The following LGI1 variants were observed in gnomAD, a reference collection of about 807,000 sequenced individuals.
The protein encoded by LGI1 is leucine-rich glioma-inactivated protein 1.
LGI1 carries 11 observed loss-of-function variants against 57.7 expected under a neutral mutation model. The ratio of observed to expected loss-of-function variants is 0.19; its 90% CI spans 0.12 to 0.32. The LOEUF (loss-of-function observed/expected upper bound fraction) is 0.32, where lower values mean the gene tolerates loss of function less well. Ranked by LOEUF, LGI1 falls within the 10% of genes least tolerant of loss-of-function variation. LGI1 has a pLI of 1.00. For synonymous variants in LGI1, 222 were observed against 241.9 expected (o/e 0.92, Z 0.76); for missense variants, 422 against 661.9 (o/e 0.64, Z 3.98).
chr10:93,771,307 G>A (rs892313752), intron 2 of LGI1: 2 of 152,220 alleles, frequency 1.3e-5, no homozygotes, highest in African/African-American at 4.8e-5. Flanking sequence ...AGGGGAAGAT[G>A]TAGGCAATAT....
chr10:93,780,078 G>A (rs548700356), intron 4 of LGI1, among the ~76,000 whole-genome samples: 1 of 152,326 alleles, frequency 6.6e-6, no homozygotes, highest in African/African-American at 2.4e-5. Flanking sequence ...GTAAGATCTA[G>A]TCCCACCTTA....
chr10:93,780,222 C>A, intron 4 of LGI1: 1 of 154,064 alleles, frequency 6.5e-6, no homozygotes. Context: ...TCATTCTTTC[C>A]TTCCTTTCTT....
intron 2 of LGI1, chr10:93,764,247 A>T (rs7082428): frequency 0.3 from 45,074 of 152,028 alleles, 6,903 homozygotes; most frequent in South Asian, 0.43. Flanking sequence ...AGTTTCATTT[A>T]AAAAATTATT....
chr10:93,770,825 A>G (rs899849265), intron 2 of LGI1: 1 of 152,238 alleles, frequency 6.6e-6, no homozygotes, highest in African/African-American at 2.4e-5. Flanking sequence ...TTTTAAGAAT[A>G]TTATTCTAAA....
In LGI1 at chr10:93,776,333, A is replaced by G. The variant is rs902887069; in HGVS notation, c.288-1046A>G. On this transcript the variant is annotated intron_variant, in intron 2 of 7. Coordinates refer to ENST00000371418, the MANE Select transcript of LGI1 (RefSeq NM_005097.4). ...AAAATAGTAAAATTCACTCTTATGT[A>G]TCCATCTTTCAGCTTCAAAAATCAT... 3.3e-5 allele frequency among the ~76,000 whole-genome samples: 5 copies of G among 152,206 alleles called. No individual in the cohort carries two copies. In the South Asian group the frequency reaches 6.2e-4, roughly 19 times the overall value.
intron 4 of LGI1, chr10:93,789,829 A>G: frequency 9.5e-6 from 4 of 422,172 alleles, no homozygotes; most frequent in Non-Finnish European, 1.7e-5. Context: ...CTGAGGTCAC[A>G]CCACTTCACT....
At chr10:93,761,175 T>G (rs1380399253) in intron 2 of LGI1, among the ~76,000 whole-genome samples, 1 of 151,982 alleles carries the variant, frequency 6.6e-6, no homozygotes, top group Non-Finnish European at 1.5e-5. Context: ...CAGAGAAAGA[T>G]CTCTTCTGTG....
intron 2 of LGI1, chr10:93,770,756 G>A (rs1047243072): frequency 6.6e-6 from 1 of 151,894 alleles, no homozygotes; most frequent in Non-Finnish European, 1.5e-5. Flanking sequence ...TCTGATCCCA[G>A]AGCAATATTA....
chr10:93,783,258 C>T (rs1475752734), intron 4 of LGI1, among the ~76,000 whole-genome samples: 5 of 152,222 alleles, frequency 3.3e-5, no homozygotes, highest in South Asian at 2.1e-4. Context: ...CGCCTGTAGT[C>T]CCAGCTACTC....
intron 4 of LGI1, chr10:93,788,452 T>G (rs1273152575): frequency 6.6e-6 from 1 of 152,198 alleles, no homozygotes; most frequent in African/African-American, 2.4e-5. Context: ...TCATTTCCTT[T>G]TTTCAATAAT....
At chr10:93,778,062 A>G (rs2059809321) in intron 4 of LGI1, among the ~76,000 whole-genome samples, 1 of 152,158 alleles carries the variant, frequency 6.6e-6, no homozygotes, top group South Asian at 2.1e-4. Flanking sequence ...TAATTACTCA[A>G]TGGATGATTA....
At chr10:93,773,380 C>T (rs897793988) in intron 2 of LGI1, among the ~76,000 whole-genome samples, 15 of 152,100 alleles carry the variant, frequency 9.9e-5, no homozygotes, top group Admixed American at 8.5e-4. Context: ...GGGTCTTGGG[C>T]CTTGCGACCT....
At chr10:93,773,348 G>A (rs1589758949) in intron 2 of LGI1, among the ~76,000 whole-genome samples, 2 of 152,180 alleles carry the variant, frequency 1.3e-5, no homozygotes, top group East Asian at 3.9e-4. Context: ...CACCCAGTGT[G>A]TGGAAAAGGG....
In LGI1 at chr10:93,758,202, G is replaced by A. The variant is rs2059584327; in HGVS notation, c.58G>A (p.Ala20Thr). 1 of 1,614,176 alleles carries A rather than the reference G, an allele frequency of 6.2e-7. No homozygotes were observed. The highest frequency in any genetic ancestry group is 8.5e-7 in the Non-Finnish European group (1 of 1,180,026). Residue 20 changes from alanine to threonine, a missense_variant, in exon 1 of 8, where the codon GCT becomes ACT. Physicochemically the swap from Ala to Thr is moderately conservative, Grantham distance 58 (BLOSUM62 0). Around this residue, in one of 3 missense-constraint regions of LGI1, gnomAD observed 58 missense variants for 61.8 expected, o/e 0.94. Coordinates refer to ENST00000371418, the MANE Select transcript of LGI1 (RefSeq NM_005097.4). The surrounding 1 kb of genome is among the most constrained non-coding windows in gnomAD (Gnocchi z 4.7). ...TGCCTGCATTCCCCTGAAAAGAATTGCTTATTTCCTATGTCTCTTATCTGC... is the reference window on the plus strand; with the variant it reads ...TGCCTGCATTCCCCTGAAAAGAATTACTTATTTCCTATGTCTCTTATCTGC... Reference protein sequence around the residue: ...GNACIPLKRIAYFLCLLSALL... With the variant: ...GNACIPLKRITYFLCLLSALL...
At chr10:93,764,758 C>T (rs542431411) in intron 2 of LGI1, 2 of 152,314 alleles carry the variant, frequency 1.3e-5, no homozygotes, top group African/African-American at 4.8e-5. Flanking sequence ...ATGAAAAATG[C>T]TTTGCAAGGT....
intron 2 of LGI1, chr10:93,777,118 G>A (rs2059802163): frequency 1.7e-6 from 1 of 577,388 alleles, no homozygotes. Context: ...TGCTCTGATT[G>A]TATCTCAAAA....
intron 2 of LGI1, chr10:93,770,974 T>C (rs2059730955): frequency 6.6e-6 from 1 of 151,996 alleles, no homozygotes; most frequent in East Asian, 1.9e-4. Context: ...TATTGAGCAC[T>C]AAACTTAATA....
Position 93,794,365 on chromosome 10 carries a change from T to C in LGI1, c.838+1015T>C, listed in dbSNP as rs866609572. On this transcript the variant is annotated intron_variant, in intron 7 of 7. Transcript: ENST00000371418. ...ACTTTTACTTATCTGGATCTCTCTTTTTTTTTTTTTTTTTTTGAGATGGAG... is the reference window on the plus strand; with the variant it reads ...ACTTTTACTTATCTGGATCTCTCTTCTTTTTTTTTTTTTTTTGAGATGGAG... Among the ~76,000 whole-genome samples the C allele has an allele frequency of 2.0e-3, 288 of 142,308 alleles. 2 individuals are homozygous for C. Among genetic ancestry groups the C allele is most frequent in the African/African-American group, 6.7e-3 (261 of 38,820 alleles). The allele number at this position is 142,308 out of a possible 152,430, so 93.4% of individuals were successfully genotyped here.
At position 93,797,532 on chromosome 10, in the gene LGI1, T is replaced by C; in HGVS notation, c.1403T>C (p.Ile468Thr). The C allele has an allele frequency of 6.2e-7, 1 of 1,614,204 alleles. No homozygotes were observed. Among genetic ancestry groups the C allele is most frequent in the Non-Finnish European group, 8.5e-7 (1 of 1,180,026 alleles). The change falls in exon 8 of 8, where the codon ATT (isoleucine) becomes ACT (threonine). Residue 468 changes from isoleucine (I) to threonine (T), a missense_variant. This residue lies in a region of LGI1 where 301 missense variants were observed against 461.7 expected (regional missense o/e 0.65). Coordinates refer to ENST00000371418, the MANE Select transcript of LGI1 (RefSeq NM_005097.4). The surrounding 1 kb of genome is among the most constrained non-coding windows in gnomAD (Gnocchi z 6.5). ...TGGGGAGGCTCCTCGTTCCAGGATA[T>C]TCAGAGGATGCCATCGCGAGGATCC... Reference protein sequence around the residue: ...MKWGGSSFQDIQRMPSRGSMV... With the variant: ...MKWGGSSFQDTQRMPSRGSMV...
Sources: gnomAD v4.1 joint callset for allele counts (sites outside exome capture counted in the v4.1 genomes callset) on GRCh38, gnomAD v4.1.1 for gene constraint, gnomAD v4.1.1 regional missense constraint, Gnocchi (gnomAD v3.1) non-coding constraint, MANE v1.5 for transcripts, NCBI Gene and HGNC (gene_info 2026-07-23, HGNC 2026-07-21) for gene names.